Variants in PAK3 observed in about 807,000 individuals in gnomAD.
The protein encoded by PAK3 is p21 (RAC1) activated kinase 3, also known as serine/threonine-protein kinase PAK 3.
A neutral mutation model predicts 41.0 loss-of-function variants in PAK3; 4 were observed. The ratio of observed to expected loss-of-function variants is 0.10; its 90% CI spans 0.05 to 0.22. PAK3 has a LOEUF of 0.22. Among genes scored for constraint, PAK3 ranks in the 10% least tolerant of loss-of-function variants. The pLI is 1.00. For synonymous variants in PAK3, 146 were observed against 139.6 expected (o/e 1.05, Z -0.32); for missense variants, 205 against 409.9 (o/e 0.50, Z 4.32).
Position 111,096,201 on chromosome X carries a change from G to A in PAK3, c.-567G>A, listed in dbSNP as rs2092977884. 8.9e-6 allele frequency: 1 copy of A among 112,070 alleles called. No individual in the cohort carries two copies. Among genetic ancestry groups the A allele is most frequent in the Non-Finnish European group, 1.9e-5 (1 of 53,231 alleles). The allele number at this position is 112,070 out of a possible 1,213,427, so 9.2% of individuals were successfully genotyped here. The stretch of plus-strand genomic sequence containing the variant: ...CCGAGCAGGGGCTCTACCGCGGGCG[G>A]GCAGCTGTGCCAGCTAACCGTCTGG... On this transcript the variant is annotated 5_prime_UTR_variant, in exon 1 of 18. Coordinates refer to ENST00000372007, the MANE Select transcript of PAK3 (RefSeq NM_002578.5).
chrX:111,110,954 C>T (rs188104997), intron 4 of PAK3, among the ~76,000 whole-genome samples: 5 of 112,093 alleles, frequency 4.5e-5, no homozygotes. Flanking sequence ...TATCAGTTCT[C>T]CCGCCTCTTT....
At chrX:111,150,601 C>T (rs2094012279) in intron 7 of PAK3, among the ~76,000 whole-genome samples, 1 of 111,299 alleles carries the variant, frequency 9.0e-6, no homozygotes, top group Admixed American at 9.6e-5. Context: ...ATAAACCCAT[C>T]AGATCTTGTG....
At chrX:111,136,232 T>C (rs893681314) in intron 5 of PAK3, among the ~76,000 whole-genome samples, 3 of 111,344 alleles carry the variant, frequency 2.7e-5, no homozygotes, top group Non-Finnish European at 5.7e-5. Context: ...GGTGTGGTGA[T>C]TGGAAAAGGA....
At chrX:111,002,770 C>G (rs1176606202) in intron 1 of PAK3, among the ~76,000 whole-genome samples, 2 of 111,604 alleles carry the variant, frequency 1.8e-5, no homozygotes, top group Non-Finnish European at 3.8e-5. Flanking sequence ...CAGTAGAACT[C>G]TGGTCTTCAG....
intron 5 of PAK3, among the ~76,000 whole-genome samples, chrX:111,137,847 T>A (rs1322269732): frequency 9.0e-6 from 1 of 111,632 alleles, no homozygotes; most frequent in Non-Finnish European, 1.9e-5. Context: ...AAGTGATACT[T>A]TTTTGGACTT....
chrX:111,093,501 G>C (rs1164589035), upstream of PAK3, among the ~76,000 whole-genome samples: 2 of 111,978 alleles, frequency 1.8e-5, no homozygotes, highest in East Asian at 2.8e-4. Context: ...AAATCTTTAA[G>C]ATATTTCAGA....
intron 1 of PAK3, among the ~76,000 whole-genome samples, chrX:111,004,011 G>A (rs758963106): frequency 2.7e-5 from 3 of 112,056 alleles, no homozygotes; most frequent in Non-Finnish European, 3.8e-5. Context: ...ATATCATATT[G>A]GGTTGGGAGA....
chrX:111,139,207 A>G (rs1367920913), intron 5 of PAK3, among the ~76,000 whole-genome samples: 1 of 111,332 alleles, frequency 9.0e-6, no homozygotes, highest in Non-Finnish European at 1.9e-5. Flanking sequence ...GCATAGAAAT[A>G]AAGGAGTGAA....
chrX:111,146,265 G>A (rs995312629), intron 6 of PAK3, among the ~76,000 whole-genome samples: 1 of 111,582 alleles, frequency 9.0e-6, no homozygotes, highest in Admixed American at 9.5e-5. Context: ...ACATATTTAT[G>A]GAGGAAGCAT....
At chrX:111,130,477 C>T (rs748911239) in intron 5 of PAK3, among the ~76,000 whole-genome samples, 2 of 111,780 alleles carry the variant, frequency 1.8e-5, no homozygotes, top group Non-Finnish European at 3.8e-5. Context: ...ACATAAATTC[C>T]AGATAGGCTA....
rs952275464 is a variant in PAK3, at chrX:111,225,098, A to G, written c.*4651A>G. 8.9e-6 allele frequency: 1 copy of G among 112,217 alleles called. No homozygotes were observed. Among genetic ancestry groups the G allele is most frequent in the African/African-American group, 3.2e-5 (1 of 30,899 alleles). 9.2% of individuals were successfully genotyped at this position (112,217 alleles called of 1,213,427 possible). A position where few individuals can be genotyped will look rare whatever the true frequency, so the allele number is the denominator to read the frequency against. On this transcript the variant is annotated 3_prime_UTR_variant, in exon 18 of 18. Coordinates refer to ENST00000372007, the MANE Select transcript of PAK3 (RefSeq NM_002578.5). ...CACACAATTCTGAACGTGTATTTGC[A>G]TGTGGACTGGGAAGGAAATAAATGG...
At chrX:110,984,103 C>T (rs1428493257) in intron 1 of PAK3, among the ~76,000 whole-genome samples, 1 of 112,073 alleles carries the variant, frequency 8.9e-6, no homozygotes, top group Non-Finnish European at 1.9e-5. Context: ...ACTGCCAGGC[C>T]TGCCATGTAT....
chrX:111,190,136 T>A (rs773492207), intron 11 of PAK3, among the ~76,000 whole-genome samples: 1 of 111,489 alleles, frequency 9.0e-6, no homozygotes, highest in East Asian at 2.8e-4. Context: ...AAATCCCGGT[T>A]TAGGTGGCAC....
rs2094929912 is a variant in PAK3, at chrX:111,221,901, C to T, written c.*1454C>T. The stretch of plus-strand genomic sequence containing the variant: ...AAGAAATGTCAGTCCGACAGAATTC[C>T]TTATATGACTTGGGGAAAATAACAA... On this transcript the variant is annotated 3_prime_UTR_variant, in exon 18 of 18. Transcript: ENST00000372007. 1 of 111,847 alleles carries T rather than the reference C, an allele frequency of 8.9e-6. No individual in the cohort carries two copies. The highest frequency in any genetic ancestry group is 1.9e-5 in the Non-Finnish European group (1 of 53,117). The allele number at this position is 111,847 out of a possible 1,213,427, so 9.2% of individuals were successfully genotyped here. A position where few individuals can be genotyped will look rare whatever the true frequency, so the allele number is the denominator to read the frequency against.
At chrX:110,949,839 G>A (rs2090704510) in intron 1 of PAK3, among the ~76,000 whole-genome samples, 1 of 111,748 alleles carries the variant, frequency 8.9e-6, no homozygotes, top group Non-Finnish European at 1.9e-5. Flanking sequence ...GGGAAGCTAG[G>A]CAGGTGGGAA....
intron 5 of PAK3, among the ~76,000 whole-genome samples, chrX:111,134,797 G>A (rs946233209): frequency 1.8e-5 from 2 of 111,202 alleles, no homozygotes; most frequent in Non-Finnish European, 3.8e-5. Flanking sequence ...TGGCATGCCA[G>A]GTAGAAAGAC....
At chrX:111,204,914 C>T (rs1246318442) in intron 16 of PAK3, among the ~76,000 whole-genome samples, 2 of 75,523 alleles carry the variant, frequency 2.6e-5, no homozygotes, top group African/African-American at 1.1e-4. Context: ...ATTACCCTCA[C>T]GCTCAGATGG....
At chrX:111,052,871 A>G (rs1475197711) in intron 1 of PAK3, among the ~76,000 whole-genome samples, 4 of 112,203 alleles carry the variant, frequency 3.6e-5, no homozygotes, top group Admixed American at 9.4e-5. Context: ...CCCTTTAACC[A>G]TGTCAGAAAA....
intron 1 of PAK3, among the ~76,000 whole-genome samples, chrX:110,992,806 G>A (rs1044734306): frequency 9.0e-6 from 1 of 111,124 alleles, no homozygotes; most frequent in East Asian, 2.8e-4. Context: ...TTCACCACCG[G>A]GTGGCAGTAG....
Sources: gnomAD v4.1 joint callset for allele counts (sites outside exome capture counted in the v4.1 genomes callset) on GRCh38, gnomAD v4.1.1 for gene constraint, MANE v1.5 for transcripts, NCBI Gene and HGNC (gene_info 2026-07-23, HGNC 2026-07-21) for gene names.